PRR16: variants seen among roughly 807,000 people sequenced by gnomAD.
PRR16 encodes the protein proline rich 16.
A neutral mutation model predicts 18.2 loss-of-function variants in PRR16; 6 were observed. The observed-to-expected ratio is 0.33, with a 90% CI of 0.18 to 0.65. The LOEUF is 0.65. Ranked by LOEUF, PRR16 falls within the 30% of genes least tolerant of loss-of-function variation. The pLI, the probability that PRR16 is intolerant of heterozygous loss-of-function variation, is 0.74. For synonymous variants in PRR16, 151 were observed against 147.8 expected, an observed-to-expected ratio of 1.02 and a Z score of -0.16; for missense variants, 412 against 376.6, an observed-to-expected ratio of 1.09 and a Z score of -0.78.
intron 1 of PRR16, among the ~76,000 whole-genome samples, chr5:120,485,198 T>A (rs947438619): frequency 6.6e-6 from 1 of 152,164 alleles, no homozygotes; most frequent in African/African-American, 2.4e-5. Flanking sequence ...ATATTTTATG[T>A]CTTAGTCCAT....
chr5:120,693,376 A>G, the PRR16 span, among the ~76,000 whole-genome samples: 1 of 152,244 alleles, frequency 6.6e-6, no homozygotes, highest in Admixed American at 6.5e-5. Flanking sequence ...AAACAATATC[A>G]ACAGAAGGAT....
At chr5:120,748,230 A>G in the PRR16 span, among the ~76,000 whole-genome samples, 4 of 152,110 alleles carry the variant, frequency 2.6e-5, no homozygotes, top group Admixed American at 1.3e-4. Flanking sequence ...TGGTTTCATG[A>G]CATGTTCAGA....
chr5:120,708,847 G>C, the PRR16 span, among the ~76,000 whole-genome samples: 1 of 151,940 alleles, frequency 6.6e-6, no homozygotes, highest in Non-Finnish European at 1.5e-5. Context: ...GGTTATACTG[G>C]AATCCCTGGG....
Position 120,538,071 on chromosome 5 carries a change from C to T in PRR16, c.159+73426C>T, listed in dbSNP as rs955691853. On this transcript the variant is annotated intron_variant, in intron 1 of 1. Transcript: ENST00000407149. ...GATTACAGGCGTGAGCCACCGCGCC[C>T]GGCCGTTGTTTATAATATAAGCATA... Among the ~76,000 whole-genome samples, 3 of 152,158 alleles carry T rather than the reference C, an allele frequency of 2.0e-5. No individual in the cohort carries two copies. The Middle Eastern group carries it at 0.01, about 518-fold the overall frequency.
At chr5:120,696,570 C>G in the PRR16 span, among the ~76,000 whole-genome samples, 2 of 152,140 alleles carry the variant, frequency 1.3e-5, no homozygotes, top group African/African-American at 4.8e-5. Flanking sequence ...AAACCACATG[C>G]ACAGAAATGT....
the PRR16 span, among the ~76,000 whole-genome samples, chr5:120,766,491 A>G: frequency 0.26 from 40,006 of 151,670 alleles, 5,596 homozygotes; most frequent in Non-Finnish European, 0.3. Flanking sequence ...GTACTAGTCA[A>G]TTGTGTCATA....
chr5:120,760,784 C>A, the PRR16 span, among the ~76,000 whole-genome samples: 1 of 152,258 alleles, frequency 6.6e-6, no homozygotes, highest in South Asian at 2.1e-4. Context: ...CAGCTTGCCT[C>A]CCTCAGTTAA....
At chr5:120,637,317 GAAAAAAAAAAAAAA>G (rs372136712) in intron 1 of PRR16, among the ~76,000 whole-genome samples, 1 of 62,636 alleles carries the variant, frequency 1.6e-5, no homozygotes, top group Admixed American at 2.6e-4. Context: ...CCATTATACG[GAAAAAAAAAAAAAA>G]AAAAAAAAAA....
the PRR16 span, among the ~76,000 whole-genome samples, chr5:120,733,953 A>G: frequency 6.6e-6 from 1 of 152,212 alleles, no homozygotes; most frequent in Non-Finnish European, 1.5e-5. Context: ...AATCTGTGTT[A>G]TCCCTTACTT....
intron 1 of PRR16, among the ~76,000 whole-genome samples, chr5:120,684,435 A>C (rs1047341220): frequency 2.6e-5 from 4 of 152,172 alleles, no homozygotes; most frequent in African/African-American, 4.8e-5. Flanking sequence ...CAAAGAGCCA[A>C]CTTCACAGTT....
At chr5:120,559,709 T>A (rs1448761886) in intron 1 of PRR16, among the ~76,000 whole-genome samples, 1 of 151,914 alleles carries the variant, frequency 6.6e-6, no homozygotes, top group African/African-American at 2.4e-5. Context: ...AGTATTCTGA[T>A]AGGAATTGGC....
the PRR16 span, among the ~76,000 whole-genome samples, chr5:120,730,871 G>A: frequency 0.98 from 148,652 of 152,256 alleles, 72,674 homozygotes; most frequent in East Asian, 1. Context: ...TTAAATTATC[G>A]CAATGCTCAG....
At chr5:120,583,396 A>G (rs547781263) in intron 1 of PRR16, among the ~76,000 whole-genome samples, 1 of 151,908 alleles carries the variant, frequency 6.6e-6, no homozygotes, top group Non-Finnish European at 1.5e-5. Flanking sequence ...CTGTTCTTCC[A>G]TCTGAGAAAG....
chr5:120,505,926 A>G (rs939014720), intron 1 of PRR16, among the ~76,000 whole-genome samples: 3 of 138,516 alleles, frequency 2.2e-5, no homozygotes, highest in Admixed American at 1.5e-4. Context: ...GATGATATAT[A>G]TGTGTGTATG....
At chr5:120,532,576 C>T (rs992493084) in intron 1 of PRR16, among the ~76,000 whole-genome samples, 2 of 152,046 alleles carry the variant, frequency 1.3e-5, no homozygotes, top group Non-Finnish European at 2.9e-5. Flanking sequence ...TGAGAATTTT[C>T]CTAATGCAAA....
intron 1 of PRR16, among the ~76,000 whole-genome samples, chr5:120,581,944 A>G (rs1300056432): frequency 1.3e-5 from 2 of 152,094 alleles, no homozygotes; most frequent in Non-Finnish European, 2.9e-5. Context: ...TTTTACTTCC[A>G]GTTATGTGGC....
intron 1 of PRR16, among the ~76,000 whole-genome samples, chr5:120,551,609 T>C (rs1350474334): frequency 6.6e-6 from 1 of 152,034 alleles, no homozygotes; most frequent in Non-Finnish European, 1.5e-5. Context: ...AATATCACTG[T>C]GTGTTAAATG....
chr5:120,758,597 C>T, the PRR16 span, among the ~76,000 whole-genome samples: 3 of 152,040 alleles, frequency 2.0e-5, no homozygotes, highest in Non-Finnish European at 4.4e-5. Context: ...GTTCTTATGA[C>T]AGTGAGGGAG....
At chr5:120,635,176 C>T (rs555543330) in intron 1 of PRR16, among the ~76,000 whole-genome samples, 33 of 152,078 alleles carry the variant, frequency 2.2e-4, no homozygotes, top group Non-Finnish European at 4.6e-4. Context: ...TGGCTGAATT[C>T]TATCAGGCAT....
Sources: gnomAD v4.1 joint callset for allele counts (sites outside exome capture counted in the v4.1 genomes callset) on GRCh38, gnomAD v4.1.1 for gene constraint, MANE v1.5 for transcripts, NCBI Gene and HGNC (gene_info 2026-07-23, HGNC 2026-07-21) for gene names.